The following SNTG2 variants were observed in gnomAD, a reference collection of about 807,000 sequenced individuals.
SNTG2 encodes the protein syntrophin gamma 2.
Under a neutral mutation model 70.9 loss-of-function variants are expected in SNTG2, and 74 were observed. The ratio of observed to expected loss-of-function variants is 1.04; its 90% CI spans 0.86 to 1.27. The LOEUF (loss-of-function observed/expected upper bound fraction) is 1.27, where lower values mean the gene tolerates loss of function less well. SNTG2 is among the 50% of genes most tolerant of loss of function. The pLI is 0.00. For synonymous variants in SNTG2, 278 were observed against 273.8 expected (o/e 1.02, Z -0.15); for missense variants, 717 against 690.7 (o/e 1.04, Z -0.43).
intron 7 of SNTG2, among the ~76,000 whole-genome samples, chr2:1,167,040 C>G (rs1029929416): frequency 2.6e-5 from 4 of 152,242 alleles, no homozygotes; most frequent in Non-Finnish European, 4.4e-5. Context: ...GGATCTGATT[C>G]TTCTGGTATG....
Position 1,006,898 on chromosome 2 carries a change from A to G in SNTG2, c.72+55830A>G, listed in dbSNP as rs144060821. On this transcript the variant is annotated intron_variant, in intron 1 of 16. Transcript: ENST00000308624. The stretch of plus-strand genomic sequence containing the variant: ...TACAATATTAGCCAGGCATGGTGAC[A>G]CATGCCTGTAATCCCAGCTACTAGA... Among the ~76,000 whole-genome samples, 844 of 152,190 alleles carry G rather than the reference A, an allele frequency of 5.5e-3. 10 individuals are homozygous for G. The highest frequency in any genetic ancestry group is 0.019 in the African/African-American group (808 of 41,536).
At chr2:1,280,473 A>G (rs1052070033) in intron 14 of SNTG2, among the ~76,000 whole-genome samples, 11 of 152,198 alleles carry the variant, frequency 7.2e-5, no homozygotes, top group Admixed American at 7.2e-4. Context: ...TTCCTTAAAT[A>G]CACAACAGTT....
At chr2:1,263,512 A>G (rs1428983020) in intron 13 of SNTG2, among the ~76,000 whole-genome samples, 1 of 151,632 alleles carries the variant, frequency 6.6e-6, no homozygotes, top group Non-Finnish European at 1.5e-5. Context: ...TGTTTTTTTC[A>G]GGAAAGGGAA....
intron 1 of SNTG2, among the ~76,000 whole-genome samples, chr2:985,811 C>T (rs981944158): frequency 2.0e-5 from 3 of 152,148 alleles, no homozygotes; most frequent in Admixed American, 2.0e-4. Context: ...GTAAATGTTT[C>T]TCCTTTATCA....
intron 14 of SNTG2, among the ~76,000 whole-genome samples, chr2:1,268,001 A>C (rs1278515559): frequency 6.6e-6 from 1 of 152,230 alleles, no homozygotes; most frequent in African/African-American, 2.4e-5. Flanking sequence ...TCTTCCTCTC[A>C]AACTTGATGG....
intron 14 of SNTG2, 57 bp from the exon 15 acceptor site, chr2:1,308,437 T>C (rs1558195152): frequency 6.8e-7 from 1 of 1,477,158 alleles, no homozygotes; most frequent in Non-Finnish European, 9.2e-7. Context: ...GACTACCTAA[T>C]TAAAGTTAAA....
chr2:1,060,213 G>A (rs1417165621), intron 1 of SNTG2, among the ~76,000 whole-genome samples: 1 of 152,074 alleles, frequency 6.6e-6, no homozygotes, highest in Non-Finnish European at 1.5e-5. Flanking sequence ...TTAAATTAAA[G>A]GAAGTAAAAA....
chr2:1,217,576 C>T (rs1021425217), intron 9 of SNTG2, among the ~76,000 whole-genome samples: 15 of 152,140 alleles, frequency 9.9e-5, no homozygotes, highest in South Asian at 2.1e-4. Context: ...CTCGGTAGGT[C>T]GTTATGCAGC....
chr2:1,336,093 A>T (rs950332964), intron 16 of SNTG2, among the ~76,000 whole-genome samples: 25 of 152,228 alleles, frequency 1.6e-4, no homozygotes, highest in African/African-American at 5.5e-4. Flanking sequence ...GCATTGGTAA[A>T]GAGATAAATC....
intron 6 of SNTG2, among the ~76,000 whole-genome samples, chr2:1,148,274 C>T (rs1669228525): frequency 6.6e-6 from 1 of 152,212 alleles, no homozygotes. Context: ...CTCCTTATTT[C>T]CCACATGGAG....
At chr2:1,249,002 T>C (rs1447892478) in intron 12 of SNTG2, among the ~76,000 whole-genome samples, 1 of 152,182 alleles carries the variant, frequency 6.6e-6, no homozygotes, top group Non-Finnish European at 1.5e-5. Flanking sequence ...ATGCTCCGAG[T>C]GCTGGTAGCA....
chr2:1,266,297 T>C (rs1678728388), intron 13 of SNTG2, among the ~76,000 whole-genome samples: 1 of 152,162 alleles, frequency 6.6e-6, no homozygotes. Flanking sequence ...CCAGTCTTTC[T>C]CTTCTGCCCT....
At chr2:1,224,797 C>G (rs1248877513) in intron 9 of SNTG2, among the ~76,000 whole-genome samples, 8 of 152,336 alleles carry the variant, frequency 5.3e-5, no homozygotes, top group South Asian at 2.1e-4. Context: ...GCTCGCCTCA[C>G]TCTATGGCTC....
intron 1 of SNTG2, among the ~76,000 whole-genome samples, chr2:1,033,127 C>G (rs940434086): frequency 6.6e-6 from 1 of 152,190 alleles, no homozygotes; most frequent in African/African-American, 2.4e-5. Context: ...CACCCATGAT[C>G]CAGTTGCCTC....
chr2:1,274,152 T>G (rs1313261048), intron 14 of SNTG2, among the ~76,000 whole-genome samples: 1 of 152,206 alleles, frequency 6.6e-6, no homozygotes, highest in African/African-American at 2.4e-5. Context: ...CAAGTGTTGG[T>G]GAAGGAACTG....
At chr2:1,210,579 C>A (rs1572735230) in intron 9 of SNTG2, 1 of 152,266 alleles carries the variant, frequency 6.6e-6, no homozygotes, top group South Asian at 2.1e-4. Flanking sequence ...CACTGCCAAT[C>A]ATATAAAAGG....
intron 16 of SNTG2, among the ~76,000 whole-genome samples, chr2:1,321,671 A>C (rs996210404): frequency 1.3e-5 from 2 of 152,178 alleles, no homozygotes; most frequent in Non-Finnish European, 2.9e-5. Context: ...ATGTCATCCA[A>C]CAGAGAATTT....
intron 4 of SNTG2, among the ~76,000 whole-genome samples, chr2:1,135,459 C>CCTGT (rs1478981150): frequency 6.6e-6 from 1 of 152,234 alleles, no homozygotes; most frequent in Non-Finnish European, 1.5e-5. Context: ...GTGGCTCACG[C>CCTGT]CTGTAATCCC....
chr2:1,143,449 G>C (rs1174200175), intron 6 of SNTG2, among the ~76,000 whole-genome samples: 1 of 151,948 alleles, frequency 6.6e-6, no homozygotes, highest in Non-Finnish European at 1.5e-5. Context: ...CTACCCACTA[G>C]GATTTTGTCA....
Sources: gnomAD v4.1 joint callset for allele counts (sites outside exome capture counted in the v4.1 genomes callset) on GRCh38, gnomAD v4.1.1 for gene constraint, MANE v1.5 for transcripts, NCBI Gene and HGNC (gene_info 2026-07-23, HGNC 2026-07-21) for gene names.